PHF24: variants seen among roughly 807,000 people sequenced by gnomAD.
The protein encoded by PHF24 is Galpha inhibitory interacting protein.
A neutral mutation model predicts 42.6 loss-of-function variants in PHF24; 25 were observed. The ratio of observed to expected loss-of-function variants is 0.59; its 90% CI spans 0.43 to 0.82. The LOEUF (loss-of-function observed/expected upper bound fraction) is 0.82. Ranked by LOEUF, PHF24 falls within the 40% of genes least tolerant of loss-of-function variation. PHF24 has a pLI of 0.00. For missense variants in PHF24, 470 were observed against 538.1 expected (o/e 0.87, Z 1.25); for synonymous variants, 185 against 204.8 (o/e 0.90, Z 0.83).
At chr9:34,783,596 C>T in the PHF24 span, among the ~76,000 whole-genome samples, 1 of 152,192 alleles carries the variant, frequency 6.6e-6, no homozygotes, top group South Asian at 2.1e-4. Context: ...TGTTCATTCT[C>T]CTCCAAGAAA....
At chr9:34,744,357 A>C in the PHF24 span, among the ~76,000 whole-genome samples, 1 of 152,218 alleles carries the variant, frequency 6.6e-6, no homozygotes, top group Non-Finnish European at 1.5e-5. Context: ...TGTAATGCAC[A>C]AAAATCATAG....
chr9:34,875,701 T>C, the PHF24 span, among the ~76,000 whole-genome samples: 2 of 152,112 alleles, frequency 1.3e-5, no homozygotes, highest in African/African-American at 4.8e-5. Context: ...ATGTGGAATG[T>C]ATGCAGTGAA....
At chr9:34,682,926 C>T in the PHF24 span, among the ~76,000 whole-genome samples, 1 of 152,194 alleles carries the variant, frequency 6.6e-6, no homozygotes, top group Non-Finnish European at 1.5e-5. Context: ...CCACCTAACA[C>T]TGGTGAGGCT....
At chr9:34,709,478 C>G in the PHF24 span, 2 of 1,613,874 alleles carry the variant, frequency 1.2e-6, no homozygotes, top group Non-Finnish European at 1.7e-6. Context: ...TCCCCTTTAC[C>G]CACATCCCTC....
At chr9:34,678,274 G>T in the PHF24 span, 141,373 of 151,624 alleles carry the variant, frequency 0.93, 66,138 homozygotes, top group Non-Finnish European at 0.98. Context: ...ATCGTGTGAG[G>T]TAATACTTAA....
chr9:34,735,399 T>C, the PHF24 span, among the ~76,000 whole-genome samples: 1 of 151,456 alleles, frequency 6.6e-6, no homozygotes, highest in Non-Finnish European at 1.5e-5. Flanking sequence ...CCTCCCAAAG[T>C]GCTGGAATTA....
the PHF24 span, among the ~76,000 whole-genome samples, chr9:34,786,835 T>C: frequency 2.6e-5 from 4 of 152,340 alleles, no homozygotes; most frequent in African/African-American, 9.6e-5. Flanking sequence ...CCCGGTTGAC[T>C]CGTTTTTTGG....
chr9:34,727,007 C>A, the PHF24 span: 5 of 1,539,454 alleles, frequency 3.2e-6, no homozygotes, highest in African/African-American at 5.5e-5. Context: ...GGAAACACGG[C>A]AAAATTAACG....
At chr9:34,706,581 G>T in the PHF24 span, among the ~76,000 whole-genome samples, 2 of 152,312 alleles carry the variant, frequency 1.3e-5, no homozygotes, top group African/African-American at 4.8e-5. Flanking sequence ...AAAGATGAAG[G>T]CAGACAAGGA....
At chr9:34,694,905 A>T in the PHF24 span, among the ~76,000 whole-genome samples, 28 of 152,058 alleles carry the variant, frequency 1.8e-4, no homozygotes, top group African/African-American at 6.5e-4. Flanking sequence ...TTCCAGTTAA[A>T]TTTTTTTTGA....
chr9:34,702,313 G>A, the PHF24 span, among the ~76,000 whole-genome samples: 7 of 152,306 alleles, frequency 4.6e-5, 1 homozygote, highest in South Asian at 1.2e-3. Context: ...TGGTGGCCGA[G>A]CGGGGCAGTG....
intron 1 of PHF24, among the ~76,000 whole-genome samples, chr9:34,967,157 A>G (rs534050113): frequency 6.6e-6 from 1 of 152,304 alleles, no homozygotes; most frequent in Non-Finnish European, 1.5e-5. Context: ...GGATCTTCCA[A>G]CCACACAGAC....
the PHF24 span, among the ~76,000 whole-genome samples, chr9:34,765,325 G>T: frequency 6.7e-6 from 1 of 150,124 alleles, no homozygotes. Context: ...TTATTATTGT[G>T]TGGGCGTCTA....
chr9:34,803,474 G>C, the PHF24 span, among the ~76,000 whole-genome samples: 1 of 152,004 alleles, frequency 6.6e-6, no homozygotes, highest in Non-Finnish European at 1.5e-5. Flanking sequence ...CCAAGGTTAG[G>C]TCAGAGAAAA....
chr9:34,764,665 A>AT, the PHF24 span, among the ~76,000 whole-genome samples: 1 of 151,922 alleles, frequency 6.6e-6, no homozygotes, highest in Non-Finnish European at 1.5e-5. Flanking sequence ...GGATTCATTA[A>AT]TTTTTTGAAG....
At chr9:34,845,845 C>T in the PHF24 span, among the ~76,000 whole-genome samples, 6 of 147,434 alleles carry the variant, frequency 4.1e-5, no homozygotes, top group African/African-American at 7.5e-5. Context: ...TGAGAATATG[C>T]GGTGTTTGGT....
At chr9:34,918,970 G>C in the PHF24 span, among the ~76,000 whole-genome samples, 1 of 152,048 alleles carries the variant, frequency 6.6e-6, no homozygotes, top group Admixed American at 6.5e-5. Context: ...AAAATCCTGG[G>C]TTCCATCAAA....
At chr9:34,880,055 T>G in the PHF24 span, among the ~76,000 whole-genome samples, 1 of 152,182 alleles carries the variant, frequency 6.6e-6, no homozygotes, top group Non-Finnish European at 1.5e-5. Context: ...TCAACATTCT[T>G]AAAGAAAAGA....
At chr9:34,861,684 G>A in the PHF24 span, among the ~76,000 whole-genome samples, 4 of 152,272 alleles carry the variant, frequency 2.6e-5, no homozygotes, top group South Asian at 2.1e-4. Flanking sequence ...ATGTAAACAC[G>A]TATGGGAGAA....
Sources: allele counts gnomAD v4.1 joint callset (sites outside exome capture counted in the v4.1 genomes callset), GRCh38; gene constraint gnomAD v4.1.1; transcripts MANE v1.5; gene names NCBI Gene and HGNC (gene_info 2026-07-23, HGNC 2026-07-21).